Variants in PIBF1 observed in about 807,000 individuals in gnomAD.
PIBF1 encodes progesterone-induced-blocking factor 1.
In PIBF1, 90 loss-of-function variants were observed where a neutral mutation model predicts 112.5. That is an observed-to-expected ratio of 0.80 (90% CI 0.67 to 0.95). The LOEUF (loss-of-function observed/expected upper bound fraction) is 0.95, where lower values mean the gene tolerates loss of function less well. Among genes scored for constraint, PIBF1 ranks in the 40% least tolerant of loss-of-function variants. The pLI, the probability that PIBF1 is intolerant of heterozygous loss-of-function variation, is 0.00. For synonymous variants in PIBF1, 301 were observed against 288.6 expected (o/e 1.04, Z -0.44); for missense variants, 915 against 852.3 (o/e 1.07, Z -0.92).
rs150953826 is a variant in PIBF1 at position 72,971,692 on chromosome 13, A to G, written c.1965-1899A>G. Among the ~76,000 whole-genome samples the G allele has an allele frequency of 4.3e-4, 65 of 152,252 alleles. 1 individual carries two copies. In the East Asian group the frequency reaches 0.012, roughly 28 times the overall value. ...TCATTCACATAGTCCTTTGACATAC[A>G]TGAGTATTATGTTCTACTTTTACAG... On this transcript the variant is annotated intron_variant, in intron 15 of 17. Coordinates refer to ENST00000326291, the MANE Select transcript of PIBF1 (RefSeq NM_006346.4).
chr13:72,814,735 T>C (rs761480275), intron 5 of PIBF1, among the ~76,000 whole-genome samples: 1 of 151,798 alleles, frequency 6.6e-6, no homozygotes, highest in South Asian at 2.1e-4. Flanking sequence ...GCCTTTATTA[T>C]TTAAAAAAAA....
At chr13:73,014,009 A>G (rs1371323275) in intron 17 of PIBF1, among the ~76,000 whole-genome samples, 4 of 152,156 alleles carry the variant, frequency 2.6e-5, no homozygotes, top group Non-Finnish European at 5.9e-5. Flanking sequence ...CACTAGGCCC[A>G]GATGGGTTCA....
intron 2 of PIBF1, among the ~76,000 whole-genome samples, chr13:72,788,568 C>T (rs1300934887): frequency 1.3e-5 from 2 of 152,158 alleles, no homozygotes; most frequent in African/African-American, 2.4e-5. Context: ...GTATTGTGTA[C>T]ATGTAAAAGG....
intron 5 of PIBF1, among the ~76,000 whole-genome samples, chr13:72,819,044 A>G (rs986529924): frequency 1.3e-5 from 2 of 152,106 alleles, no homozygotes; most frequent in Non-Finnish European, 2.9e-5. Context: ...TGTCCTTCCA[A>G]CAAATCTACT....
intron 13 of PIBF1, among the ~76,000 whole-genome samples, chr13:72,927,953 A>ATATG (rs1463641682): frequency 1.3e-4 from 8 of 63,264 alleles, no homozygotes; most frequent in African/African-American, 5.0e-4. Context: ...GTGTATATAT[A>ATATG]TATATACACA....
At chr13:72,938,605 G>A (rs1026651833) in intron 14 of PIBF1, among the ~76,000 whole-genome samples, 9 of 152,028 alleles carry the variant, frequency 5.9e-5, no homozygotes, top group African/African-American at 2.2e-4. Flanking sequence ...ATCAGTTAAT[G>A]GATTTTTGTC....
chr13:72,944,571 A>T (rs2042098945), intron 14 of PIBF1, among the ~76,000 whole-genome samples: 2 of 152,244 alleles, frequency 1.3e-5, no homozygotes, highest in Non-Finnish European at 2.9e-5. Context: ...AAGTGTATTT[A>T]ATTGCATACA....
intron 10 of PIBF1, among the ~76,000 whole-genome samples, chr13:72,858,023 T>TTGCTTTTTGTGTGTGTGTGTGTGTGTGTG (rs71099760): frequency 7.8e-5 from 11 of 141,218 alleles, no homozygotes; most frequent in East Asian, 2.1e-4. Context: ...CAAATGTACA[T>TTGCTTTTTGTGTGTGTGTGTGTGTGTGTG]TGTGTGTGTG....
At chr13:72,895,186 T>C (rs2040232364) in intron 11 of PIBF1, among the ~76,000 whole-genome samples, 1 of 151,924 alleles carries the variant, frequency 6.6e-6, no homozygotes, top group African/African-American at 2.4e-5. Flanking sequence ...AATTAATCTG[T>C]TAATCTGATG....
chr13:72,950,059 T>A (rs1368762649), intron 14 of PIBF1, among the ~76,000 whole-genome samples: 1 of 152,222 alleles, frequency 6.6e-6, no homozygotes, highest in African/African-American at 2.4e-5. Flanking sequence ...TCATTTTGAA[T>A]TAATACTGCG....
At chr13:72,960,299 G>A (rs1348751977) in intron 14 of PIBF1, among the ~76,000 whole-genome samples, 2 of 152,044 alleles carry the variant, frequency 1.3e-5, no homozygotes, top group African/African-American at 4.8e-5. Context: ...TGGTCCTGGC[G>A]ACTCAAGAGG....
At chr13:72,884,894 A>G (rs1400883753) in intron 10 of PIBF1, among the ~76,000 whole-genome samples, 1 of 152,120 alleles carries the variant, frequency 6.6e-6, no homozygotes, top group East Asian at 1.9e-4. Context: ...GTGGGGAAAT[A>G]GTGATTTAGT....
At chr13:72,961,209 C>T (rs1293699291) in intron 14 of PIBF1, among the ~76,000 whole-genome samples, 1 of 152,092 alleles carries the variant, frequency 6.6e-6, no homozygotes, top group Non-Finnish European at 1.5e-5. Flanking sequence ...TCAGTGTCCT[C>T]CTTACCCAGC....
chr13:72,915,354 A>G (rs2041050319), intron 12 of PIBF1, among the ~76,000 whole-genome samples: 1 of 152,162 alleles, frequency 6.6e-6, no homozygotes, highest in South Asian at 2.1e-4. Context: ...TCTAAGACAC[A>G]TTGTTCAGAT....
At chr13:72,820,990 T>A (rs1026034977) in intron 5 of PIBF1, among the ~76,000 whole-genome samples, 1 of 152,214 alleles carries the variant, frequency 6.6e-6, no homozygotes, top group Non-Finnish European at 1.5e-5. Flanking sequence ...ACCCTTAAGA[T>A]GTTTACACTC....
intron 14 of PIBF1, among the ~76,000 whole-genome samples, chr13:72,949,607 G>T (rs187798201): frequency 1.1e-4 from 16 of 152,240 alleles, no homozygotes; most frequent in African/African-American, 3.8e-4. Context: ...GTGAGCCACG[G>T]CACCCAGCTA....
chr13:72,896,857 A>C (rs1363400186), intron 11 of PIBF1, among the ~76,000 whole-genome samples: 2 of 152,220 alleles, frequency 1.3e-5, no homozygotes, highest in Non-Finnish European at 2.9e-5. Context: ...ACAATTCTAA[A>C]AGCTTGGAAA....
chr13:72,790,825 A>G (rs1387775648), intron 2 of PIBF1, among the ~76,000 whole-genome samples: 2 of 152,230 alleles, frequency 1.3e-5, no homozygotes, highest in African/African-American at 4.8e-5. Flanking sequence ...GACTTTAACA[A>G]GAATAGTTTC....
chr13:72,902,321 A>C (rs1218269358), intron 11 of PIBF1, among the ~76,000 whole-genome samples: 1 of 152,052 alleles, frequency 6.6e-6, no homozygotes, highest in Non-Finnish European at 1.5e-5. Context: ...GGATCTCACA[A>C]ATTACCGCTA....
Sources: gnomAD v4.1 joint callset for allele counts (sites outside exome capture counted in the v4.1 genomes callset) on GRCh38, gnomAD v4.1.1 for gene constraint, MANE v1.5 for transcripts, NCBI Gene and HGNC (gene_info 2026-07-23, HGNC 2026-07-21) for gene names.